DMPK: variants seen among roughly 807,000 people sequenced by gnomAD.
DMPK encodes myotonin-protein kinase.
In DMPK, 32 loss-of-function variants were observed where a neutral mutation model predicts 70.3. The ratio of observed to expected loss-of-function variants is 0.46; its 90% CI spans 0.34 to 0.61. DMPK has a LOEUF of 0.61. Ranked by LOEUF, DMPK falls within the 20% of genes least tolerant of loss-of-function variation. The pLI, the probability that DMPK is intolerant of heterozygous loss-of-function variation, is 0.01. For synonymous variants in DMPK, 469 were observed against 390.9 expected (o/e 1.20, Z -2.36); for missense variants, 899 against 886.0 (o/e 1.01, Z -0.19).
chr19:45,777,214 C>T lies in DMPK; in HGVS notation c.1146+113G>A. On this transcript the variant is annotated intron_variant, in intron 8 of 14. Coordinates refer to ENST00000291270, the MANE Select transcript of DMPK (RefSeq NM_004409.5). The surrounding 1 kb of genome is among the most constrained non-coding windows in gnomAD (Gnocchi z 6.7). ...GTAGTAGATGGGCACAGAGCAGGTGCTCTGGGGAATGAGTGATTCAGGACC... is the reference window on the plus strand; with the variant it reads ...GTAGTAGATGGGCACAGAGCAGGTGTTCTGGGGAATGAGTGATTCAGGACC... 4 of 1,387,222 alleles carry T rather than the reference C, an allele frequency of 2.9e-6. No homozygotes were observed. Among genetic ancestry groups the T allele is most frequent in the Non-Finnish European group, 3.8e-6 (4 of 1,052,450 alleles). The allele number at this position is 1,387,222 out of a possible 1,614,324, so 85.9% of individuals were successfully genotyped here.
intron 5 of DMPK, 66 bp downstream of exon 5, chr19:45,778,418 CCTCTCTGGG>C: frequency 6.4e-7 from 1 of 1,562,624 alleles, no homozygotes; most frequent in African/African-American, 1.3e-5. Flanking sequence ...CAGGCCCTGG[CCTCTCTGGG>C]CTCTGACCTT....
Position 45,770,139 on chromosome 19 carries a change from T to C in DMPK, c.*349A>G. 4 of 687,942 alleles carry C rather than the reference T, an allele frequency of 5.8e-6. 1 individual carries two copies. In the South Asian group the frequency reaches 6.4e-5, roughly 11 times the overall value. 42.6% of individuals were successfully genotyped at this position (687,942 alleles called of 1,614,324 possible). A position where few individuals can be genotyped will look rare whatever the true frequency, so the allele number is the denominator to read the frequency against. ...GCCCGGCTTGCTGCCTTCCCAGGCC[T>C]GCAGTTTGCCCATCCACGTCAGGGC... On this transcript the variant is annotated 3_prime_UTR_variant, in exon 15 of 15. Transcript: ENST00000291270.
chr19:45,778,404 T>TC lies in DMPK; in HGVS notation c.581+88dup, dbSNP rs553529394. On this transcript the variant is annotated intron_variant, in intron 5 of 14. Transcript: ENST00000291270. ...GGTGGGCCCCAACCAAGAAGGTCCC[T>TC]CTCCAGGCCCTGGCCTCTCTGGGCT... 187 of 1,526,058 alleles carry TC rather than the reference T, an allele frequency of 1.2e-4. 1 individual carries two copies. The East Asian group carries it at 3.7e-3, about 30-fold the overall frequency. 94.5% of individuals were successfully genotyped at this position (1,526,058 alleles called of 1,614,324 possible). A position where few individuals can be genotyped will look rare whatever the true frequency, so the allele number is the denominator to read the frequency against.
At position 45,782,452 on chromosome 19, in the gene DMPK, G is replaced by A. The variant is rs1020569290; in HGVS notation, c.-100C>T. The A allele has an allele frequency of 1.5e-6, 2 of 1,329,636 alleles. No individual in the cohort carries two copies. Among genetic ancestry groups the A allele is most frequent in the African/African-American group, 1.5e-5 (1 of 66,654 alleles). 82.4% of individuals were successfully genotyped at this position (1,329,636 alleles called of 1,614,324 possible). ...CTGTCCAGGCCCTGGAGCCCTGGCT[G>A]CATGTCTGCCTGTCCCTGGCTGTCC... On this transcript the variant is annotated 5_prime_UTR_variant, in exon 1 of 15. An upstream open reading frame in the 5' UTR gains an earlier in-frame stop. Transcript: ENST00000291270.
At chr19:45,771,122 A>G (rs1969401870) in intron 13 of DMPK, 62 bp from the exon 14 acceptor site, 1 of 1,345,194 alleles carries the variant, frequency 7.4e-7, no homozygotes, top group Non-Finnish European at 1.0e-6. Context: ...CGGTGGGGCG[A>G]GAGACAGCGA....
chr19:45,773,348 C>T (rs1444132251), intron 9 of DMPK, among the ~76,000 whole-genome samples: 2 of 152,208 alleles, frequency 1.3e-5, no homozygotes, highest in South Asian at 2.1e-4. Context: ...TCAATCCTGA[C>T]CCACCGTTCA....
chr19:45,770,300 G>A lies in DMPK; in HGVS notation c.*188C>T. ...TACAAGGACCCTTCGAGCCCCGTTC[G>A]CCGGCCGCGGACCCGGCCCCTCCCT... On this transcript the variant is annotated 3_prime_UTR_variant, in exon 15 of 15. Coordinates refer to ENST00000291270, the MANE Select transcript of DMPK (RefSeq NM_004409.5). 3.3e-6 allele frequency: 3 copies of A among 902,050 alleles called. No individual in the cohort carries two copies. Among genetic ancestry groups the A allele is most frequent in the East Asian group, 2.7e-5 (1 of 37,370 alleles). 55.9% of individuals were successfully genotyped at this position (902,050 alleles called of 1,614,324 possible). A position where few individuals can be genotyped will look rare whatever the true frequency, so the allele number is the denominator to read the frequency against.
chr19:45,771,732 G>A (rs370629839), intron 11 of DMPK, 39 bp downstream of exon 11: 7 of 1,602,626 alleles, frequency 4.4e-6, no homozygotes, highest in Non-Finnish European at 6.0e-6. Flanking sequence ...GGTTGCCACC[G>A]GCCCGCATCC....
rs548051873 is a variant in DMPK, at chr19:45,782,428, T to A, written c.-76A>T. 111 of 1,417,102 alleles carry A rather than the reference T, an allele frequency of 7.8e-5. No homozygotes were observed. The East Asian group carries it at 2.7e-3, about 34-fold the overall frequency. The allele number at this position is 1,417,102 out of a possible 1,614,324, so 87.8% of individuals were successfully genotyped here. On this transcript the variant is annotated 5_prime_UTR_variant, in exon 1 of 15. Transcript: ENST00000291270. ...TCCTGTCACAGGGCCTGGCAGCCCC[T>A]GTCCAGGCCCTGGAGCCCTGGCTGC...
chr19:45,771,213 T>G (rs1196679713), intron 13 of DMPK, 137 bp downstream of exon 13: 2 of 1,285,306 alleles, frequency 1.6e-6, no homozygotes, highest in Non-Finnish European at 2.1e-6. Flanking sequence ...GATCTGGGGC[T>G]GAATAAAGGG....
intron 4 of DMPK, 101 bp downstream of exon 4, chr19:45,779,163 G>A (rs1016368396): frequency 2.5e-5 from 31 of 1,230,028 alleles, no homozygotes; most frequent in Non-Finnish European, 3.5e-5. Flanking sequence ...AGACGTTTCC[G>A]GGCAGCACCC....
At chr19:45,780,125 G>A (rs1372062052) in intron 1 of DMPK, 1 of 1,449,300 alleles carries the variant, frequency 6.9e-7, no homozygotes, top group Non-Finnish European at 9.1e-7. Flanking sequence ...CCAAGGGTGT[G>A]CAGGATGGTT....
chr19:45,776,180 G>T, intron 8 of DMPK, among the ~76,000 whole-genome samples: 1 of 66,088 alleles, frequency 1.5e-5, no homozygotes, highest in Non-Finnish European at 2.8e-5. Context: ...GTCTCGCTCT[G>T]TCGCCCAGGC....
chr19:45,770,925 A>G (rs1304496867), intron 14 of DMPK, 46 bp downstream of exon 14: 2 of 1,337,038 alleles, frequency 1.5e-6, no homozygotes, highest in Non-Finnish European at 2.0e-6. Flanking sequence ...GGGCGGGTGG[A>G]GCGCGGGGCG....
chr19:45,770,367 C>A lies in DMPK; in HGVS notation c.*121G>T. 7.5e-7 allele frequency: 1 copy of A among 1,325,182 alleles called. No individual in the cohort carries two copies. Among genetic ancestry groups the A allele is most frequent in the Non-Finnish European group, 1.1e-6 (1 of 946,980 alleles). The allele number at this position is 1,325,182 out of a possible 1,614,324, so 82.1% of individuals were successfully genotyped here. A position where few individuals can be genotyped will look rare whatever the true frequency, so the allele number is the denominator to read the frequency against. On this transcript the variant is annotated 3_prime_UTR_variant, in exon 15 of 15. Coordinates refer to ENST00000291270, the MANE Select transcript of DMPK (RefSeq NM_004409.5). Reference sequence around the variant, plus strand: ...GCGGGCCCGGATCACAGGACTGGAGCTGGGCGGAGACCCACGCTCGGAGCG... The same window carrying A: ...GCGGGCCCGGATCACAGGACTGGAGATGGGCGGAGACCCACGCTCGGAGCG...
chr19:45,775,319 T>G, intron 8 of DMPK: 7 of 296,508 alleles, frequency 2.4e-5, no homozygotes, highest in Non-Finnish European at 2.5e-5. Flanking sequence ...AGGCGCCCTC[T>G]ACCACGCCTG....
intron 6 of DMPK, 108 bp downstream of exon 6, chr19:45,778,019 G>C: frequency 8.1e-7 from 1 of 1,228,854 alleles, no homozygotes; most frequent in Non-Finnish European, 1.2e-6. Flanking sequence ...CTTAAGCCTG[G>C]GTCACACCAC....
chr19:45,769,877 G>C lies in DMPK; in HGVS notation c.*611C>G, dbSNP rs3745804. 126 of 263,828 alleles carry C rather than the reference G, an allele frequency of 4.8e-4. 1 individual carries two copies. In the East Asian group the frequency reaches 9.5e-3, roughly 20 times the overall value. 16.3% of individuals were successfully genotyped at this position (263,828 alleles called of 1,614,324 possible). On this transcript the variant is annotated 3_prime_UTR_variant, in exon 15 of 15. Transcript: ENST00000291270. The stretch of plus-strand genomic sequence containing the variant: ...GCCTGTCAGCGAGTCGGAGGACGAG[G>C]TCAATAAATATCCAAACCGCCGAAG...
In DMPK at chr19:45,770,990, T is replaced by C; in HGVS notation, c.1718A>G (p.His573Arg). 2.1e-6 allele frequency: 3 copies of C among 1,434,832 alleles called. No individual in the cohort carries two copies. The highest frequency in any genetic ancestry group is 2.7e-6 in the Non-Finnish European group (3 of 1,098,304). The allele number at this position is 1,434,832 out of a possible 1,614,324, so 88.9% of individuals were successfully genotyped here. The change falls in exon 14 of 15, where the codon CAC (histidine) becomes CGC (arginine). Residue 573 changes from histidine (H) to arginine (R), a missense_variant. Transcript: ENST00000291270. ...LVGPGPMHRR[H>R]LLLPARVPRP... is the part of the protein sequence containing the mutation. Reference sequence around the variant, plus strand: ...ACGTACCCTGGCAGGGAGCAGCAGGTGGCGGCGGTGCATGGGGCCTGGCCC... The same window carrying C: ...ACGTACCCTGGCAGGGAGCAGCAGGCGGCGGCGGTGCATGGGGCCTGGCCC...
Sources: gnomAD v4.1 joint callset for allele counts (sites outside exome capture counted in the v4.1 genomes callset) on GRCh38, gnomAD v4.1.1 for gene constraint, Gnocchi (gnomAD v3.1) non-coding constraint, MANE v1.5 for transcripts, NCBI Gene and HGNC (gene_info 2026-07-23, HGNC 2026-07-21) for gene names.